Variants in TNIP3 observed in about 807,000 individuals in gnomAD.
The protein encoded by TNIP3 is TNFAIP3-interacting protein 3.
In TNIP3, 34 loss-of-function variants were observed where a neutral mutation model predicts 54.1. The observed-to-expected ratio is 0.63, with a 90% CI of 0.48 to 0.84. The LOEUF (loss-of-function observed/expected upper bound fraction) is 0.84. Among genes scored for constraint, TNIP3 ranks in the 40% least tolerant of loss-of-function variants. TNIP3 has a pLI of 0.00. For missense variants in TNIP3, 366 were observed against 387.6 expected (o/e 0.94, Z 0.47); for synonymous variants, 134 against 136.8 (o/e 0.98, Z 0.14).
chr4:121,168,636 T>C (rs1008555398), upstream of TNIP3, among the ~76,000 whole-genome samples: 1 of 151,822 alleles, frequency 6.6e-6, no homozygotes, highest in Non-Finnish European at 1.5e-5. Context: ...TCCAGCTGCC[T>C]CAGCCTCTTG....
chr4:121,148,404 T>C (rs79995307), intron 6 of TNIP3, among the ~76,000 whole-genome samples: 3,337 of 152,344 alleles, frequency 0.022, 80 homozygotes, highest in Admixed American at 0.035. Context: ...GTAACAAATA[T>C]GAACCAAATC....
chr4:121,169,993 C>T (rs1026820504), intron 3 of TNIP3, among the ~76,000 whole-genome samples: 3 of 152,158 alleles, frequency 2.0e-5, no homozygotes, highest in African/African-American at 4.8e-5. Flanking sequence ...CTGCAGACTT[C>T]GTGAAATCCA....
At chr4:121,197,507 G>A (rs1335530570) in intron 2 of TNIP3, among the ~76,000 whole-genome samples, 3 of 149,674 alleles carry the variant, frequency 2.0e-5, no homozygotes, top group Non-Finnish European at 4.4e-5. Context: ...ACTCCAGCCT[G>A]GGTGACAGAG....
chr4:121,137,108 G>T (rs1728832122), intron 10 of TNIP3, among the ~76,000 whole-genome samples: 1 of 151,960 alleles, frequency 6.6e-6, no homozygotes, highest in African/African-American at 2.4e-5. Flanking sequence ...GTGTAATATT[G>T]GTCCAGCAAG....
intron 10 of TNIP3, among the ~76,000 whole-genome samples, chr4:121,134,357 T>C (rs975160839): frequency 2.6e-5 from 4 of 152,232 alleles, no homozygotes; most frequent in Non-Finnish European, 5.9e-5. Context: ...AACATGTTTT[T>C]CAAGGTTAAA....
At chr4:121,149,402 A>G (rs1455993790) in intron 6 of TNIP3, among the ~76,000 whole-genome samples, 1 of 152,254 alleles carries the variant, frequency 6.6e-6, no homozygotes, top group Non-Finnish European at 1.5e-5. Context: ...GAGGCTAGCA[A>G]CTACAGAATC....
intron 2 of TNIP3, among the ~76,000 whole-genome samples, chr4:121,183,131 AGTCACT>A (rs1334129241): frequency 1.3e-5 from 2 of 152,240 alleles, no homozygotes; most frequent in African/African-American, 2.4e-5. Flanking sequence ...CTATTAAAGT[AGTCACT>A]GTCCCAGGCA....
chr4:121,214,337 C>A (rs1035029688), intron 2 of TNIP3, among the ~76,000 whole-genome samples: 2 of 152,192 alleles, frequency 1.3e-5, no homozygotes, highest in African/African-American at 2.4e-5. Context: ...CTATCTATTT[C>A]TTTCAGAAAT....
chr4:121,167,397 G>A (rs1027492128), upstream of TNIP3, among the ~76,000 whole-genome samples: 1 of 152,152 alleles, frequency 6.6e-6, no homozygotes, highest in Non-Finnish European at 1.5e-5. Context: ...AAGAGTCAGA[G>A]TTTCTGCTGG....
intron 3 of TNIP3, among the ~76,000 whole-genome samples, chr4:121,175,451 C>T (rs1724251108): frequency 1.3e-5 from 2 of 152,280 alleles, no homozygotes; most frequent in Non-Finnish European, 2.9e-5. Context: ...CTTCCCCCAC[C>T]AAGCCTCCCA....
intron 10 of TNIP3, among the ~76,000 whole-genome samples, chr4:121,134,667 G>T (rs1260990162): frequency 6.6e-6 from 1 of 152,124 alleles, no homozygotes; most frequent in Admixed American, 6.5e-5. Context: ...AATAACCACA[G>T]ACAGTAACTG....
At chr4:121,217,930 T>A (rs1401759266), upstream of TNIP3, among the ~76,000 whole-genome samples, 1 of 152,150 alleles carries the variant, frequency 6.6e-6, no homozygotes, top group Admixed American at 6.5e-5. Flanking sequence ...AGAATTATAA[T>A]GCCATCATTT....
exon 3 of TNIP3, chr4:121,182,782 T>A (rs1442869155): frequency 6.5e-7 from 1 of 1,534,022 alleles, no homozygotes; most frequent in Non-Finnish European, 8.7e-7. Flanking sequence ...TTTGTCCAGC[T>A]CCATGCTTTC....
At chr4:121,133,641 G>A (rs1206775920) in intron 10 of TNIP3, among the ~76,000 whole-genome samples, 1 of 152,190 alleles carries the variant, frequency 6.6e-6, no homozygotes, top group Non-Finnish European at 1.5e-5. Flanking sequence ...TATTTTAGAT[G>A]GAGAGAGGCT....
At chr4:121,217,389 T>G (rs1726843546), upstream of TNIP3, among the ~76,000 whole-genome samples, 1 of 152,150 alleles carries the variant, frequency 6.6e-6, no homozygotes. Context: ...TTTGTTAAAA[T>G]GCTCCAGGAA....
At chr4:121,173,402 C>T (rs1431826082) in intron 3 of TNIP3, among the ~76,000 whole-genome samples, 6 of 152,126 alleles carry the variant, frequency 3.9e-5, no homozygotes, top group Non-Finnish European at 5.9e-5. Flanking sequence ...AAGAGAAATT[C>T]AGTCTTTAAA....
rs1725350070 is a variant in TNIP3, at chr4:121,192,391, C to G, written c.69-9595G>C. On this transcript the variant is annotated intron_variant, in intron 2 of 12. Coordinates refer to the TNIP3 transcript ENST00000507879. ...CATCTCTGATGGCACGTTCCCAGTC[C>G]CTTCGTGTAGCTGATAAAGCGCAAG... Among the ~76,000 whole-genome samples the G allele has an allele frequency of 3.3e-5, 5 of 152,126 alleles. No homozygotes were observed. The South Asian group carries it at 1.0e-3, about 32-fold the overall frequency.
At chr4:121,193,179 C>T (rs763213986) in intron 2 of TNIP3, among the ~76,000 whole-genome samples, 3 of 152,008 alleles carry the variant, frequency 2.0e-5, no homozygotes, top group African/African-American at 7.2e-5. Context: ...GATTGGGACA[C>T]GCTATCAGAG....
intron 4 of TNIP3, 21 bp downstream of exon 4, chr4:121,157,073 G>T (rs745723821): frequency 1.2e-5 from 20 of 1,613,190 alleles, no homozygotes; most frequent in Non-Finnish European, 1.7e-5. Context: ...CTCCGGGCTC[G>T]AGGACCCGGG....
Sources: allele counts gnomAD v4.1 joint callset (sites outside exome capture counted in the v4.1 genomes callset), GRCh38; gene constraint gnomAD v4.1.1; transcripts MANE v1.5; gene names NCBI Gene and HGNC (gene_info 2026-07-23, HGNC 2026-07-21).